The following GABRB3 variants were observed in gnomAD, a reference collection of about 807,000 sequenced individuals.
GABRB3 encodes the protein gamma-aminobutyric acid type A receptor subunit beta3, also known as gamma-aminobutyric acid receptor subunit beta-3.
In GABRB3, 14 loss-of-function variants were observed where a neutral mutation model predicts 52.1. The ratio of observed to expected loss-of-function variants is 0.27; its 90% CI spans 0.18 to 0.42. The LOEUF is 0.42. Ranked by LOEUF, GABRB3 falls within the 10% of genes least tolerant of loss-of-function variation. The pLI, the probability that GABRB3 is intolerant of heterozygous loss-of-function variation, is 1.00. For missense variants in GABRB3, 307 were observed against 609.1 expected (o/e 0.50, Z 5.22); for synonymous variants, 260 against 232.3 (o/e 1.12, Z -1.08).
chr15:26,580,847 C>T (rs942125111), intron 5 of GABRB3, among the ~76,000 whole-genome samples: 4 of 152,208 alleles, frequency 2.6e-5, no homozygotes, highest in African/African-American at 4.8e-5. Context: ...AGGCATACTC[C>T]TCTCAAGAGC....
At chr15:26,742,638 T>C (rs1005755926) in intron 3 of GABRB3, among the ~76,000 whole-genome samples, 1 of 152,222 alleles carries the variant, frequency 6.6e-6, no homozygotes, top group African/African-American at 2.4e-5. Flanking sequence ...ATGTGTCTGC[T>C]ACAGAACTGT....
At chr15:26,652,567 A>T (rs1887230649) in intron 3 of GABRB3, among the ~76,000 whole-genome samples, 1 of 152,148 alleles carries the variant, frequency 6.6e-6, no homozygotes, top group South Asian at 2.1e-4. Flanking sequence ...TGTGTCCTTA[A>T]TAAAAATATA....
chr15:26,633,829 C>G (rs1334592219), intron 3 of GABRB3, among the ~76,000 whole-genome samples: 5 of 152,182 alleles, frequency 3.3e-5, no homozygotes, highest in Non-Finnish European at 7.3e-5. Context: ...AGACCCCCTT[C>G]CCCTTTCTAA....
In GABRB3 at chr15:26,772,733, C is replaced by A. The variant is rs754289832; in HGVS notation, c.120G>T (p.Thr40=). The A allele has an allele frequency of 6.4e-7, 1 of 1,574,444 alleles. No homozygotes were observed. The highest frequency in any genetic ancestry group is 1.1e-5 in the South Asian group (1 of 87,478). ...CGTAGCCTTTCAACAGCTTGTCCAC[C>A]GTCTCCTTCACAAAGGACATGTTCC... The part of the protein sequence containing the change: ...DPGNMSFVKE[T]VDKLLKGYDI... Residue 40 remains threonine (T), a synonymous_variant, in exon 2 of 9, where the codon ACG becomes ACT. Transcript: ENST00000311550.
chr15:26,771,279 T>C (rs1891135451), intron 3 of GABRB3, among the ~76,000 whole-genome samples: 1 of 152,304 alleles, frequency 6.6e-6, no homozygotes, highest in East Asian at 1.9e-4. Context: ...AGAAGTAGTT[T>C]TAAATGCAGG....
At chr15:26,710,039 T>C (rs1350186815) in intron 3 of GABRB3, among the ~76,000 whole-genome samples, 1 of 152,198 alleles carries the variant, frequency 6.6e-6, no homozygotes, top group African/African-American at 2.4e-5. Flanking sequence ...TCATAGGCTA[T>C]GTAGTCTTTG....
chr15:26,614,868 A>C (rs1232196596), intron 4 of GABRB3: 1 of 152,190 alleles, frequency 6.6e-6, no homozygotes, highest in Non-Finnish European at 1.5e-5. Context: ...TTTATAATGT[A>C]CTGTCCAACA....
intron 3 of GABRB3, among the ~76,000 whole-genome samples, chr15:26,627,351 G>A (rs184232202): frequency 3.0e-4 from 19 of 64,000 alleles, no homozygotes; most frequent in Non-Finnish European, 7.0e-4. Context: ...CATAGATCAA[G>A]GAGAAACTGA....
chr15:26,760,530 CCAAA>C (rs1283091305), intron 3 of GABRB3, among the ~76,000 whole-genome samples: 2 of 152,048 alleles, frequency 1.3e-5, no homozygotes, highest in Non-Finnish European at 2.9e-5. Flanking sequence ...AATTAACATT[CCAAA>C]CAGTTTATGA....
chr15:26,649,402 A>G (rs1458532743), intron 3 of GABRB3, among the ~76,000 whole-genome samples: 1 of 152,196 alleles, frequency 6.6e-6, no homozygotes, highest in Non-Finnish European at 1.5e-5. Flanking sequence ...AGTCCTCACC[A>G]GACACTAAAC....
intron 3 of GABRB3, among the ~76,000 whole-genome samples, chr15:26,680,444 T>C (rs1358646583): frequency 6.6e-6 from 1 of 151,790 alleles, no homozygotes; most frequent in Non-Finnish European, 1.5e-5. Context: ...ACACCCTATA[T>C]CCTACCCTAT....
At chr15:26,639,150 G>C (rs1167894868) in intron 3 of GABRB3, among the ~76,000 whole-genome samples, 1 of 152,040 alleles carries the variant, frequency 6.6e-6, no homozygotes, top group Non-Finnish European at 1.5e-5. Context: ...TCAGCATGAG[G>C]ACCTGCCTTC....
intron 3 of GABRB3, among the ~76,000 whole-genome samples, chr15:26,690,834 T>A (rs1439153677): frequency 9.4e-5 from 14 of 149,512 alleles, no homozygotes; most frequent in Admixed American, 9.3e-4. Context: ...GCACCAGAGA[T>A]CAAAATTCTT....
At position 26,671,441 on chromosome 15, in the gene GABRB3, T is replaced by C. The variant is rs1595521484; in HGVS notation, c.241-49907A>G. Among the ~76,000 whole-genome samples the C allele has an allele frequency of 2.0e-5, 3 of 152,298 alleles. No individual in the cohort carries two copies. In the South Asian group the frequency reaches 6.2e-4, roughly 32 times the overall value. On this transcript the variant is annotated intron_variant, in intron 3 of 8. Coordinates refer to ENST00000311550, the MANE Select transcript of GABRB3 (RefSeq NM_000814.6). ...GAAGGACAAGAAGACCAGCTAAGAT[T>C]GGAGCAGGGACACATTCCTCCAAGT...
chr15:26,555,824 T>C (rs1212650634), intron 8 of GABRB3, among the ~76,000 whole-genome samples: 1 of 152,356 alleles, frequency 6.6e-6, no homozygotes, highest in East Asian at 1.9e-4. Context: ...ATAGTTTGGC[T>C]GCTTTATTTA....
chr15:26,675,350 C>T (rs1298650502), intron 3 of GABRB3, among the ~76,000 whole-genome samples: 1 of 152,188 alleles, frequency 6.6e-6, no homozygotes, highest in East Asian at 1.9e-4. Flanking sequence ...CATCCACACT[C>T]GGGCCCTTCC....
rs1293030887 is a variant in GABRB3 at position 26,548,095 on chromosome 15, C to T, written c.1120G>A (p.Val374Ile). The change falls in exon 9 of 9, where the codon GTT (valine) becomes ATT (isoleucine). Residue 374 changes from valine to isoleucine, a missense_variant. Val to Ile is a conservative substitution (Grantham distance 29). Transcript: ENST00000311550. ...HGNILLTSLEVHNEMNEVSGG... is the reference protein window; with the variant it reads ...HGNILLTSLEIHNEMNEVSGG... ...GAGACCTCATTCATTTCATTGTGAA[C>T]TTCCAGCGATGTCAACAGAATATTT... 6.2e-7 allele frequency: 1 copy of T among 1,614,184 alleles called. No homozygotes were observed. The highest frequency in any genetic ancestry group is 8.5e-7 in the Non-Finnish European group (1 of 1,180,028).
At chr15:26,642,649 G>A in intron 3 of GABRB3, 2 of 475,332 alleles carry the variant, frequency 4.2e-6, no homozygotes, top group South Asian at 3.2e-5. Context: ...AAGCATATAT[G>A]TAAGTGTACC....
rs553685429 is a variant in GABRB3, at chr15:26,559,643, T to G, written c.1080+1289A>C. Among the ~76,000 whole-genome samples the G allele has an allele frequency of 2.0e-5, 3 of 152,354 alleles. No homozygotes were observed. The South Asian group carries it at 6.2e-4, about 32-fold the overall frequency. On this transcript the variant is annotated intron_variant, in intron 8 of 8. Transcript: ENST00000311550. ...CTATAATGTGCTTTCATTCAAATGT[T>G]GTTTATAATCACAATAACATACTGC...
Sources: gnomAD v4.1 joint callset for allele counts (sites outside exome capture counted in the v4.1 genomes callset) on GRCh38, gnomAD v4.1.1 for gene constraint, MANE v1.5 for transcripts, NCBI Gene and HGNC (gene_info 2026-07-23, HGNC 2026-07-21) for gene names.